ME1: variants seen among roughly 807,000 people sequenced by gnomAD.
ME1 encodes the protein NADP-dependent malic enzyme.
Under a neutral mutation model 66.4 loss-of-function variants are expected in ME1, and 74 were observed. The ratio of observed to expected loss-of-function variants is 1.11; its 90% CI spans 0.92 to 1.35. The LOEUF (loss-of-function observed/expected upper bound fraction) is 1.35, where lower values mean the gene tolerates loss of function less well. Among genes scored for constraint, ME1 ranks in the 40% most tolerant of loss-of-function variants. ME1 has a pLI of 0.00. For missense variants in ME1, 750 were observed against 694.1 expected, an observed-to-expected ratio of 1.08 and a Z score of -0.90; for synonymous variants, 251 against 235.6, an observed-to-expected ratio of 1.07 and a Z score of -0.60.
chr6:83,245,520 C>T (rs984527882), intron 7 of ME1, among the ~76,000 whole-genome samples: 1 of 152,120 alleles, frequency 6.6e-6, no homozygotes. Flanking sequence ...ATTCTCCTGC[C>T]TCAGCGTCCC....
chr6:83,251,953 A>G (rs775450703), intron 7 of ME1, among the ~76,000 whole-genome samples: 1 of 152,228 alleles, frequency 6.6e-6, no homozygotes, highest in South Asian at 2.1e-4. Flanking sequence ...GACAAATTGT[A>G]GAGATATTAT....
At chr6:83,389,472 CA>C (rs375496643) in intron 3 of ME1, among the ~76,000 whole-genome samples, 2 of 151,142 alleles carry the variant, frequency 1.3e-5, no homozygotes, top group East Asian at 1.9e-4. Flanking sequence ...GGTAAAATAC[CA>C]AAAAAACAGA....
At chr6:83,274,027 C>T (rs542686399) in intron 6 of ME1, among the ~76,000 whole-genome samples, 1 of 152,198 alleles carries the variant, frequency 6.6e-6, no homozygotes, top group East Asian at 1.9e-4. Flanking sequence ...CTCAGCTTCA[C>T]TGCTACCTTT....
intron 5 of ME1, among the ~76,000 whole-genome samples, chr6:83,343,965 T>C (rs1377890808): frequency 6.6e-6 from 1 of 152,136 alleles, no homozygotes; most frequent in African/African-American, 2.4e-5. Context: ...TTTTTTTTAA[T>C]GTCCACATTA....
chr6:83,319,211 A>T (rs1430417391), intron 5 of ME1, among the ~76,000 whole-genome samples: 2 of 151,532 alleles, frequency 1.3e-5, no homozygotes, highest in African/African-American at 4.9e-5. Context: ...CTAGATGACG[A>T]GTTAGTGGGT....
intron 6 of ME1, among the ~76,000 whole-genome samples, chr6:83,284,913 T>C (rs1353129753): frequency 6.6e-6 from 1 of 152,132 alleles, no homozygotes; most frequent in Non-Finnish European, 1.5e-5. Flanking sequence ...AAATAATCTC[T>C]CTGAGTAGTA....
At chr6:83,368,953 T>G (rs1194889621) in intron 3 of ME1, among the ~76,000 whole-genome samples, 1 of 152,156 alleles carries the variant, frequency 6.6e-6, no homozygotes, top group African/African-American at 2.4e-5. Context: ...CAATATTTGC[T>G]AGCAACCAGA....
At chr6:83,279,844 T>C (rs1767257083) in intron 6 of ME1, among the ~76,000 whole-genome samples, 1 of 152,074 alleles carries the variant, frequency 6.6e-6, no homozygotes, top group Admixed American at 6.6e-5. Flanking sequence ...GAGTTAAGTG[T>C]AGAAAATTAA....
At chr6:83,257,201 AT>A (rs547553670) in intron 6 of ME1, among the ~76,000 whole-genome samples, 412 of 151,854 alleles carry the variant, frequency 2.7e-3, no homozygotes, top group Non-Finnish European at 3.4e-3. Context: ...TAATAAAAAA[AT>A]AAATAAAAAA....
intron 9 of ME1, among the ~76,000 whole-genome samples, chr6:83,237,458 A>C (rs1790438447): frequency 6.6e-6 from 1 of 151,804 alleles, no homozygotes; most frequent in East Asian, 1.9e-4. Context: ...GAAAGAAAGA[A>C]AACTAAACTA....
intron 6 of ME1, among the ~76,000 whole-genome samples, chr6:83,311,246 G>T (rs1767926203): frequency 1.3e-5 from 2 of 152,128 alleles, no homozygotes; most frequent in South Asian, 4.1e-4. Flanking sequence ...GGAGCCACAA[G>T]ACCAGTATTT....
intron 1 of ME1, among the ~76,000 whole-genome samples, chr6:83,411,965 T>C (rs1470167478): frequency 1.2e-4 from 18 of 152,180 alleles, no homozygotes; most frequent in Non-Finnish European, 2.2e-4. Context: ...TTCTGGACTG[T>C]GCTAATTAAC....
At chr6:83,330,127 C>G (rs1321511484) in intron 5 of ME1, among the ~76,000 whole-genome samples, 1 of 152,154 alleles carries the variant, frequency 6.6e-6, no homozygotes, top group African/African-American at 2.4e-5. Flanking sequence ...GTCTAATATT[C>G]TCTTACTGAC....
intron 3 of ME1, among the ~76,000 whole-genome samples, chr6:83,357,908 T>G (rs1340271029): frequency 2.7e-5 from 1 of 37,182 alleles, no homozygotes; most frequent in African/African-American, 8.4e-5. Context: ...CTCCCCTCTC[T>G]CTCTCTCTCT....
At chr6:83,316,889 G>T (rs550645217) in intron 5 of ME1, among the ~76,000 whole-genome samples, 1 of 151,748 alleles carries the variant, frequency 6.6e-6, no homozygotes, top group East Asian at 1.9e-4. Flanking sequence ...CTGCACACTG[G>T]AAACTACAAA....
At chr6:83,256,874 A>C (rs780152227) in intron 6 of ME1, among the ~76,000 whole-genome samples, 47 of 152,354 alleles carry the variant, frequency 3.1e-4, no homozygotes, top group South Asian at 1.9e-3. Flanking sequence ...AAAAAGGATG[A>C]GTTCATGTCC....
chr6:83,276,029 G>C (rs757174557), intron 6 of ME1, among the ~76,000 whole-genome samples: 1 of 151,652 alleles, frequency 6.6e-6, no homozygotes, highest in Non-Finnish European at 1.5e-5. Flanking sequence ...CTCGGTCTCC[G>C]GAACTGCTGG....
At chr6:83,247,970 C>T (rs1010062634) in intron 7 of ME1, among the ~76,000 whole-genome samples, 4 of 152,060 alleles carry the variant, frequency 2.6e-5, no homozygotes, top group African/African-American at 9.7e-5. Context: ...TTATTTAATG[C>T]CTCCATTGTG....
chr6:83,289,210 G>T (rs566473130), intron 6 of ME1, among the ~76,000 whole-genome samples: 1 of 152,330 alleles, frequency 6.6e-6, no homozygotes, highest in South Asian at 2.1e-4. Context: ...GTGAAAGAGG[G>T]CATCCTTGTC....
Sources: gnomAD v4.1 joint callset for allele counts (sites outside exome capture counted in the v4.1 genomes callset) on GRCh38, gnomAD v4.1.1 for gene constraint, MANE v1.5 for transcripts, NCBI Gene and HGNC (gene_info 2026-07-23, HGNC 2026-07-21) for gene names.